HAGH: variants seen among roughly 807,000 people sequenced by gnomAD.
HAGH encodes the protein hydroxyacylglutathione hydrolase, mitochondrial.
Under a neutral mutation model 35.1 loss-of-function variants are expected in HAGH, and 29 were observed. The ratio of observed to expected loss-of-function variants is 0.83; its 90% CI spans 0.62 to 1.13. The LOEUF (loss-of-function observed/expected upper bound fraction) is 1.13. Among genes scored for constraint, HAGH ranks in the 50% most tolerant of loss-of-function variants. HAGH has a pLI of 0.00. For missense variants in HAGH, 478 were observed against 419.6 expected (o/e 1.14, Z -1.22); for synonymous variants, 225 against 176.1 (o/e 1.28, Z -2.20).
At chr16:1,819,311 G>T in intron 4 of HAGH, 88 bp from the exon 5 acceptor site, 1 of 772,312 alleles carries the variant, frequency 1.3e-6, no homozygotes, top group Non-Finnish European at 2.1e-6. Context: ...GGCCCTACTG[G>T]GCCTCCTCAG....
At chr16:1,824,703 T>C (rs1243170010) in intron 1 of HAGH, among the ~76,000 whole-genome samples, 1 of 152,126 alleles carries the variant, frequency 6.6e-6, no homozygotes, top group African/African-American at 2.4e-5. Context: ...GAATCCGACC[T>C]TATTTCCACA....
At chr16:1,825,351 T>C (rs1029225543) in intron 1 of HAGH, among the ~76,000 whole-genome samples, 1 of 152,142 alleles carries the variant, frequency 6.6e-6, no homozygotes, top group Non-Finnish European at 1.5e-5. Flanking sequence ...CACAGCCTCC[T>C]GAAGAAGCTG....
At chr16:1,825,747 T>TTA (rs887606018) in intron 1 of HAGH, among the ~76,000 whole-genome samples, 1 of 152,052 alleles carries the variant, frequency 6.6e-6, no homozygotes, top group Non-Finnish European at 1.5e-5. Context: ...CTGATTTTGT[T>TTA]TAGTTTTTGT....
At chr16:1,820,762 G>C (rs1178442265) in intron 3 of HAGH, among the ~76,000 whole-genome samples, 1 of 152,234 alleles carries the variant, frequency 6.6e-6, no homozygotes, top group Non-Finnish European at 1.5e-5. Flanking sequence ...GGCACCACTG[G>C]GCCCCAAGAT....
At chr16:1,814,673 G>A (rs2142033043) in intron 7 of HAGH, among the ~76,000 whole-genome samples, 1 of 149,748 alleles carries the variant, frequency 6.7e-6, no homozygotes, top group African/African-American at 2.4e-5. Flanking sequence ...GCCGAGGCGG[G>A]TGGATCACGA....
Position 1,826,723 on chromosome 16 carries a change from CGGGCG to C in HAGH, c.60_64del (p.Cys20TrpfsTer46). The C allele has an allele frequency of 4.4e-6, 5 of 1,147,488 alleles. No homozygotes were observed. Among genetic ancestry groups the C allele is most frequent in the Non-Finnish European group, 4.3e-6 (4 of 933,890 alleles). 71.1% of individuals were successfully genotyped at this position (1,147,488 alleles called of 1,614,324 possible). A position where few individuals can be genotyped will look rare whatever the true frequency, so the allele number is the denominator to read the frequency against. On this transcript the variant is annotated frameshift_variant, in exon 1 of 9. Coordinates refer to ENST00000397356, the MANE Select transcript of HAGH (RefSeq NM_005326.6). LOFTEE classifies it high-confidence loss of function. The stretch of plus-strand genomic sequence containing the variant: ...CCCGCCGCACCCACCGAGGCCTCGG[CGGGCG>C]CAGGCGGCTCCCAGCGCGGCGAGGC...
chr16:1,809,334 G>C lies in HAGH; in HGVS notation c.876C>G (p.Thr292=). Residue 292 remains threonine (T), a synonymous_variant, in exon 9 of 9, where the codon ACC becomes ACG. Transcript: ENST00000397356. ...CCTTCTCCCTGCGCACGGCCCGCAT[G>C]GTGGTCACCGGGTCCGTCTCACCTG... ...QHAGETDPVT[T]MRAVRREKDQ... is the part of the protein sequence containing the mutation. 6.2e-7 allele frequency: 1 copy of C among 1,613,676 alleles called. No individual in the cohort carries two copies. Among genetic ancestry groups the C allele is most frequent in the Non-Finnish European group, 8.5e-7 (1 of 1,179,908 alleles).
At chr16:1,816,518 G>C (rs1897900745) in intron 7 of HAGH, among the ~76,000 whole-genome samples, 1 of 152,148 alleles carries the variant, frequency 6.6e-6, no homozygotes, top group Non-Finnish European at 1.5e-5. Flanking sequence ...CAGCTGGCCT[G>C]GGCTACGCCA....
At chr16:1,820,616 C>G (rs1898113871) in intron 3 of HAGH, among the ~76,000 whole-genome samples, 2 of 152,154 alleles carry the variant, frequency 1.3e-5, no homozygotes, top group Admixed American at 6.5e-5. Context: ...CCAGGTTTCC[C>G]CAGGGGAGCC....
At chr16:1,814,246 G>C (rs1412782424) in intron 7 of HAGH, among the ~76,000 whole-genome samples, 1 of 152,092 alleles carries the variant, frequency 6.6e-6, no homozygotes, top group Non-Finnish European at 1.5e-5. Flanking sequence ...AGCCCAAGGT[G>C]GGCAGATCAC....
intron 5 of HAGH, 120 bp downstream of exon 5, chr16:1,818,995 C>A: frequency 1.5e-6 from 1 of 668,556 alleles, no homozygotes. Context: ...GCACCCACCC[C>A]TGGGCCCCCT....
At chr16:1,817,360 G>A (rs1461038410) in intron 5 of HAGH, 89 bp from the exon 6 acceptor site, 28 of 857,052 alleles carry the variant, frequency 3.3e-5, no homozygotes, top group East Asian at 5.0e-5. Flanking sequence ...GACACTCACC[G>A]GCAAGGCCCA....
chr16:1,811,224 G>A (rs1897633779), intron 7 of HAGH, among the ~76,000 whole-genome samples: 2 of 152,142 alleles, frequency 1.3e-5, no homozygotes, highest in Admixed American at 1.3e-4. Context: ...GACCAGCCTG[G>A]GCAACACGGT....
At chr16:1,813,138 A>G (rs1262310901) in intron 7 of HAGH, among the ~76,000 whole-genome samples, 3 of 152,150 alleles carry the variant, frequency 2.0e-5, no homozygotes, top group Admixed American at 6.5e-5. Flanking sequence ...CATGGGGGGA[A>G]TCCTTTGTGA....
In HAGH at chr16:1,826,771, C is replaced by A; in HGVS notation, c.17G>T (p.Gly6Val). 8.3e-7 allele frequency: 1 copy of A among 1,211,776 alleles called. No homozygotes were observed. The highest frequency in any genetic ancestry group is 4.0e-5 in the South Asian group (1 of 24,772). 75.1% of individuals were successfully genotyped at this position (1,211,776 alleles called of 1,614,324 possible). A position where few individuals can be genotyped will look rare whatever the true frequency, so the allele number is the denominator to read the frequency against. MVVGR[G>V]LLGRRSLAAL... ...GGCGAGGCTGCGGCGGCCGAGCAGC[C>A]CTCGGCCCACCACCATGACCCGGGC... Residue 6 changes from glycine (G) to valine (V), a missense_variant, in exon 1 of 9, where the codon GGG becomes GTG. Gly to Val is a moderately radical substitution (Grantham distance 109, BLOSUM62 -3). Transcript: ENST00000397356.
In HAGH at chr16:1,817,285, C is replaced by G. The variant is rs1239271496; in HGVS notation, c.542-14G>C. ...ACAAGGTGTCACCTGGAAACAAGGA[C>G]AGCCACGAGGTGGGGGCCACTTGAG... On this transcript the variant is annotated splice_polypyrimidine_tract_variant and intron_variant, in intron 5 of 8. Coordinates refer to ENST00000397356, the MANE Select transcript of HAGH (RefSeq NM_005326.6). 3 of 1,565,134 alleles carry G rather than the reference C, an allele frequency of 1.9e-6. No individual in the cohort carries two copies. The South Asian group carries it at 3.3e-5, about 17-fold the overall frequency.
At position 1,807,948 on chromosome 16, in the gene HAGH, T is replaced by C. The variant is rs1897477556; in HGVS notation, c.*1335A>G. On this transcript the variant is annotated 3_prime_UTR_variant, in exon 9 of 9. Coordinates refer to ENST00000397356, the MANE Select transcript of HAGH (RefSeq NM_005326.6). ...CTGCCCCTCCACTCAGAAGAGTCTG[T>C]CTATAGGACCAGGTGGCAGAGGGTG... 2 of 152,340 alleles carry C rather than the reference T, an allele frequency of 1.3e-5. No individual in the cohort carries two copies. The highest frequency in any genetic ancestry group is 1.3e-4 in the Admixed American group (2 of 15,306). 9.4% of individuals were successfully genotyped at this position (152,340 alleles called of 1,614,324 possible). A position where few individuals can be genotyped will look rare whatever the true frequency, so the allele number is the denominator to read the frequency against.
In HAGH at chr16:1,808,079, T is replaced by A. The variant is rs1369002510; in HGVS notation, c.*1204A>T. ...GAACACGCGAGAGGCGGCTGCAGCA[T>A]TGTGAATGGACTAAATACCACTCAA... On this transcript the variant is annotated 3_prime_UTR_variant, in exon 9 of 9. Transcript: ENST00000397356. The A allele has an allele frequency of 2.0e-5, 3 of 152,134 alleles. No homozygotes were observed. The highest frequency in any genetic ancestry group is 2.9e-5 in the Non-Finnish European group (2 of 68,024). The allele number at this position is 152,134 out of a possible 1,614,324, so 9.4% of individuals were successfully genotyped here.
At chr16:1,825,972 G>A (rs1468376044) in intron 1 of HAGH, among the ~76,000 whole-genome samples, 1 of 152,236 alleles carries the variant, frequency 6.6e-6, no homozygotes, top group Admixed American at 6.5e-5. Context: ...CGCACGCCCT[G>A]CCGATGCACA....
Sources: allele counts gnomAD v4.1 joint callset (sites outside exome capture counted in the v4.1 genomes callset), GRCh38; gene constraint gnomAD v4.1.1; transcripts MANE v1.5; gene names NCBI Gene and HGNC (gene_info 2026-07-23, HGNC 2026-07-21).